Variants in SLC41A1 observed in about 807,000 individuals in gnomAD.
The protein encoded by SLC41A1 is solute carrier family 41 (magnesium transporter), member 1.
In SLC41A1, 20 loss-of-function variants were observed where a neutral mutation model predicts 47.3. The ratio of observed to expected loss-of-function variants is 0.42; its 90% CI spans 0.30 to 0.61. SLC41A1 has a LOEUF of 0.61. SLC41A1 is among the 20% of genes least tolerant of loss of function. SLC41A1 has a pLI of 0.17. For synonymous variants in SLC41A1, 282 were observed against 272.7 expected (o/e 1.03, Z -0.34); for missense variants, 504 against 674.1 (o/e 0.75, Z 2.79).
chr1:205,802,201 CA>C (rs895716732), intron 2 of SLC41A1, among the ~76,000 whole-genome samples: 3 of 152,052 alleles, frequency 2.0e-5, no homozygotes, highest in African/African-American at 7.2e-5. Context: ...GCTGGGAGGC[CA>C]AGCACTATGT....
At chr1:205,802,874 G>A (rs932026415) in intron 2 of SLC41A1, among the ~76,000 whole-genome samples, 40 of 151,732 alleles carry the variant, frequency 2.6e-4, no homozygotes, top group Non-Finnish European at 1.5e-5. Context: ...TGTTAGCAAG[G>A]ATGTAGAGTT....
At chr1:205,807,735 G>A (rs182581254) in intron 2 of SLC41A1, among the ~76,000 whole-genome samples, 50 of 139,412 alleles carry the variant, frequency 3.6e-4, no homozygotes, top group Middle Eastern at 7.8e-3. Flanking sequence ...AGCTCATTGC[G>A]ACTTCAAACT....
At chr1:205,799,626 C>A in intron 4 of SLC41A1, 133 bp downstream of exon 4, 1 of 983,670 alleles carries the variant, frequency 1.0e-6, no homozygotes, top group Non-Finnish European at 1.6e-6. Flanking sequence ...CCTCCTAGAG[C>A]TACTCTGGGG....
At position 205,813,045 on chromosome 1, in the gene SLC41A1, C is replaced by T; in HGVS notation, c.-884G>A. 3 of 985,518 alleles carry T rather than the reference C, an allele frequency of 3.0e-6. No homozygotes were observed. The highest frequency in any genetic ancestry group is 3.6e-6 in the Non-Finnish European group (3 of 829,988). The allele number at this position is 985,518 out of a possible 1,614,324, so 61.0% of individuals were successfully genotyped here. A position where few individuals can be genotyped will look rare whatever the true frequency, so the allele number is the denominator to read the frequency against. On this transcript the variant is annotated 5_prime_UTR_variant, in exon 1 of 11. Coordinates refer to ENST00000367137, the MANE Select transcript of SLC41A1 (RefSeq NM_173854.6). ...CTCCGCTTCCACGCGGGGGAGGTGG[C>T]CGGGGAGGGCAGGATATATCGCTTC...
intron 2 of SLC41A1, among the ~76,000 whole-genome samples, chr1:205,802,719 A>AAAAATAAAATAAAAT (rs60350796): frequency 0.023 from 3,054 of 133,390 alleles, 161 homozygotes; most frequent in African/African-American, 0.08. Flanking sequence ...ACTCTGTCTC[A>AAAAATAAAATAAAAT]AAAATAAAAT....
intron 1 of SLC41A1, 135 bp downstream of exon 1, chr1:205,812,672 CA>C (rs1656185487): frequency 1.1e-6 from 1 of 898,822 alleles, no homozygotes; most frequent in Admixed American, 6.2e-5. Flanking sequence ...TTAGTATCCC[CA>C]ACCCCGAGGA....
chr1:205,807,822 ATTTT>A (rs141881589), intron 2 of SLC41A1, among the ~76,000 whole-genome samples: 1 of 139,248 alleles, frequency 7.2e-6, no homozygotes, highest in African/African-American at 2.6e-5. Context: ...ATGCCTGACT[ATTTT>A]TTTTTTTTTT....
intron 8 of SLC41A1, chr1:205,796,441 GT>G (rs1037289163): frequency 3.3e-4 from 69 of 206,216 alleles, no homozygotes; most frequent in Admixed American, 9.8e-4. Context: ...ATGAGAGTGG[GT>G]TGTCATAAAG....
At chr1:205,805,417 G>A (rs1365507527) in intron 2 of SLC41A1, among the ~76,000 whole-genome samples, 1 of 152,140 alleles carries the variant, frequency 6.6e-6, no homozygotes, top group Non-Finnish European at 1.5e-5. Context: ...GGATGGGCAG[G>A]GGCAGACAGT....
chr1:205,798,539 G>T, intron 6 of SLC41A1, 130 bp downstream of exon 6: 1 of 1,357,824 alleles, frequency 7.4e-7, no homozygotes. Flanking sequence ...CTAAGATCAG[G>T]AATTATTACA....
intron 2 of SLC41A1, among the ~76,000 whole-genome samples, chr1:205,806,582 G>C (rs1656018621): frequency 6.6e-6 from 1 of 152,200 alleles, no homozygotes; most frequent in Non-Finnish European, 1.5e-5. Flanking sequence ...TGGGCACAAG[G>C]CTCCTGCAGT....
chr1:205,799,397 A>G (rs1434243750), intron 4 of SLC41A1, among the ~76,000 whole-genome samples: 1 of 152,218 alleles, frequency 6.6e-6, no homozygotes, highest in East Asian at 1.9e-4. Context: ...CCCAGAGTCA[A>G]GGCCTGGGCC....
Position 205,812,796 on chromosome 1 carries a change from C to T in SLC41A1, c.-647+12G>A. The T allele has an allele frequency of 1.0e-6, 1 of 985,556 alleles. No individual in the cohort carries two copies. Among genetic ancestry groups the T allele is most frequent in the Non-Finnish European group, 1.2e-6 (1 of 830,048 alleles). The allele number at this position is 985,556 out of a possible 1,614,324, so 61.1% of individuals were successfully genotyped here. A position where few individuals can be genotyped will look rare whatever the true frequency, so the allele number is the denominator to read the frequency against. On this transcript the variant is annotated intron_variant, in intron 1 of 10. Transcript: ENST00000367137. The stretch of plus-strand genomic sequence containing the variant: ...CCACCCCCTCCCCGCCCCAGGACCC[C>T]ACAGGACTGACCTGCCCCTCGCCTG...
At chr1:205,808,966 C>A (rs1292526442) in intron 2 of SLC41A1, among the ~76,000 whole-genome samples, 1 of 152,196 alleles carries the variant, frequency 6.6e-6, no homozygotes, top group Admixed American at 6.5e-5. Flanking sequence ...TGGCTTGGCA[C>A]AGGGAAGGTG....
intron 8 of SLC41A1, 178 bp from the exon 9 acceptor site, chr1:205,795,656 G>A (rs1478493982): frequency 1.1e-5 from 8 of 750,776 alleles, no homozygotes. Context: ...GCACTAAGAA[G>A]GAAGACAAAG....
chr1:205,799,687 T>C, intron 4 of SLC41A1, 72 bp downstream of exon 4: 3 of 1,522,374 alleles, frequency 2.0e-6, no homozygotes, highest in Non-Finnish European at 2.7e-6. Flanking sequence ...CTGCTGGGGC[T>C]GACCTAAGCC....
chr1:205,799,940 G>T, intron 3 of SLC41A1, 110 bp from the exon 4 acceptor site: 1 of 912,824 alleles, frequency 1.1e-6, no homozygotes, highest in South Asian at 1.4e-5. Flanking sequence ...CTAAGACTCT[G>T]AGAGCAGGAC....
At chr1:205,804,274 G>A (rs1484929725) in intron 2 of SLC41A1, among the ~76,000 whole-genome samples, 1 of 152,134 alleles carries the variant, frequency 6.6e-6, no homozygotes, top group East Asian at 1.9e-4. Context: ...CTGTGTGAAT[G>A]GGGTGGGAGG....
At chr1:205,807,467 T>C (rs906341277) in intron 2 of SLC41A1, among the ~76,000 whole-genome samples, 1 of 152,108 alleles carries the variant, frequency 6.6e-6, no homozygotes, top group Non-Finnish European at 1.5e-5. Flanking sequence ...GGGCAACACA[T>C]CAGAAACTTT....
Sources: gnomAD v4.1 joint callset for allele counts (sites outside exome capture counted in the v4.1 genomes callset) on GRCh38, gnomAD v4.1.1 for gene constraint, MANE v1.5 for transcripts, NCBI Gene and HGNC (gene_info 2026-07-23, HGNC 2026-07-21) for gene names.